Variants in TMEM131 observed in about 807,000 individuals in gnomAD.
TMEM131 encodes transmembrane protein 131, also known as 2610524E03Rik.
Under a neutral mutation model 211.6 loss-of-function variants are expected in TMEM131, and 66 were observed. That is an observed-to-expected ratio of 0.31 (90% CI 0.26 to 0.38). The LOEUF (loss-of-function observed/expected upper bound fraction) is 0.38. Ranked by LOEUF, TMEM131 falls within the 10% of genes least tolerant of loss-of-function variation. The pLI, the probability that TMEM131 is intolerant of heterozygous loss-of-function variation, is 1.00. For missense variants in TMEM131, 2,036 were observed against 2,299.3 expected (o/e 0.89, Z 2.34); for synonymous variants, 844 against 841.3 (o/e 1.00, Z -0.06).
intron 1 of TMEM131, among the ~76,000 whole-genome samples, chr2:97,952,921 CTG>C (rs1678390577): frequency 6.6e-6 from 1 of 152,060 alleles, no homozygotes; most frequent in Admixed American, 6.6e-5. Context: ...CAACAGAAAA[CTG>C]TTAATTATGA....
rs555912308 is a variant in TMEM131, at chr2:97,842,419, T to C, written c.601-482A>G. ...TATGAGGTGCTAGGCACATATACAA[T>C]AGTGAACAATTCAACAGTAAAAAAA... On this transcript the variant is annotated intron_variant, in intron 6 of 40. Coordinates refer to ENST00000186436, the MANE Select transcript of TMEM131 (RefSeq NM_015348.2). Among the ~76,000 whole-genome samples the C allele has an allele frequency of 7.2e-5, 11 of 152,266 alleles. 1 individual carries two copies. Among genetic ancestry groups the C allele is most frequent in the Admixed American group, 6.5e-4 (10 of 15,300 alleles).
At chr2:97,809,626 A>G (rs553438275) in intron 19 of TMEM131, 62 bp downstream of exon 19, 7 of 1,130,440 alleles carry the variant, frequency 6.2e-6, no homozygotes, top group Non-Finnish European at 9.2e-6. Flanking sequence ...TTCTAGGAAC[A>G]CAGAGCTAAA....
rs755001274 is a variant in TMEM131 at position 97,908,706 on chromosome 2, A to G, written c.250-8T>C. On this transcript the variant is annotated splice_polypyrimidine_tract_variant and splice_region_variant and intron_variant, in intron 2 of 40. Transcript: ENST00000186436. ...TCCAAGTGTTGTCTCGGTCTGTAAA[A>G]GGAATAAAATAATGATTAAAAAACT... The G allele has an allele frequency of 6.2e-7, 1 of 1,604,084 alleles. No individual in the cohort carries two copies. The highest frequency in any genetic ancestry group is 8.5e-7 in the Non-Finnish European group (1 of 1,172,878).
intron 32 of TMEM131, among the ~76,000 whole-genome samples, chr2:97,773,198 G>A (rs748273365): frequency 6.6e-6 from 1 of 152,232 alleles, no homozygotes; most frequent in Non-Finnish European, 1.5e-5. Flanking sequence ...GATTGCGGCA[G>A]GGTTCCGGCT....
intron 4 of TMEM131, among the ~76,000 whole-genome samples, chr2:97,877,612 T>A (rs1432017889): frequency 6.6e-6 from 1 of 152,224 alleles, no homozygotes; most frequent in Non-Finnish European, 1.5e-5. Context: ...CAGAAAAGAT[T>A]CCCTATTTAA....
chr2:97,831,001 A>C (rs531160111), intron 11 of TMEM131, among the ~76,000 whole-genome samples: 10 of 152,344 alleles, frequency 6.6e-5, no homozygotes, highest in Admixed American at 5.2e-4. Context: ...ATTATGCAGA[A>C]AATGCTGAAA....
At chr2:97,938,886 G>A (rs1354843008) in intron 1 of TMEM131, among the ~76,000 whole-genome samples, 6 of 152,026 alleles carry the variant, frequency 3.9e-5, no homozygotes, top group African/African-American at 9.7e-5. Flanking sequence ...ACTCAAAACC[G>A]CTCAACTACA....
Position 97,805,713 on chromosome 2 carries a change from G to A in TMEM131, c.2056-10C>T. On this transcript the variant is annotated splice_polypyrimidine_tract_variant and intron_variant, in intron 19 of 40. Coordinates refer to ENST00000186436, the MANE Select transcript of TMEM131 (RefSeq NM_015348.2). ...GATGAACTATTTTCCCCTGAAGGAA[G>A]AAAGCAAAGAACAAACTCATTTGTA... 1 of 1,578,116 alleles carries A rather than the reference G, an allele frequency of 6.3e-7. No individual in the cohort carries two copies. The highest frequency in any genetic ancestry group is 1.2e-5 in the South Asian group (1 of 85,492).
At chr2:97,960,095 T>C (rs1269871449) in intron 1 of TMEM131, among the ~76,000 whole-genome samples, 1 of 152,226 alleles carries the variant, frequency 6.6e-6, no homozygotes, top group East Asian at 1.9e-4. Flanking sequence ...GATCACTTGC[T>C]TAATGTAGTA....
chr2:97,893,831 TG>T (rs1009873339), intron 3 of TMEM131, among the ~76,000 whole-genome samples: 1 of 152,194 alleles, frequency 6.6e-6, no homozygotes, highest in African/African-American at 2.4e-5. Flanking sequence ...GTAGGCTGCC[TG>T]TTCACTCTGA....
intron 39 of TMEM131, 192 bp downstream of exon 39, chr2:97,759,460 T>C (rs930835802): frequency 2.6e-5 from 15 of 585,000 alleles, no homozygotes; most frequent in Admixed American, 9.0e-5. Context: ...GTGTCGAGCC[T>C]GGTCCACTGC....
At chr2:97,827,068 C>CAAAAA (rs66841026) in intron 11 of TMEM131, among the ~76,000 whole-genome samples, 7 of 93,668 alleles carry the variant, frequency 7.5e-5, no homozygotes, top group African/African-American at 1.2e-4. Flanking sequence ...AAGTGATAAG[C>CAAAAA]AAAAAAAAAA....
At chr2:97,795,590 T>C (rs1186972752) in intron 28 of TMEM131, among the ~76,000 whole-genome samples, 1 of 152,218 alleles carries the variant, frequency 6.6e-6, no homozygotes, top group African/African-American at 2.4e-5. Context: ...AGGTGTCTTA[T>C]TCCTCATTGC....
intron 29 of TMEM131, among the ~76,000 whole-genome samples, chr2:97,793,912 T>G (rs1250947180): frequency 8.3e-5 from 11 of 132,084 alleles, no homozygotes; most frequent in African/African-American, 2.9e-4. Flanking sequence ...GAGAATGGCA[T>G]GAACCCGGGA....
intron 5 of TMEM131, among the ~76,000 whole-genome samples, chr2:97,858,846 C>G (rs1673950715): frequency 6.6e-6 from 1 of 152,316 alleles, no homozygotes; most frequent in Non-Finnish European, 1.5e-5. Context: ...GTGATTTCCC[C>G]TCAGAGCCTC....
In TMEM131 at chr2:97,834,605, T is replaced by G; in HGVS notation, c.1012+16A>C. On this transcript the variant is annotated intron_variant, in intron 10 of 40. Coordinates refer to ENST00000186436, the MANE Select transcript of TMEM131 (RefSeq NM_015348.2). ...AAAAAAAACTCCATAAAGACTCTTT[T>G]AAAAGATTTTTTTACCTTGTGTTCT... 6.6e-7 allele frequency: 1 copy of G among 1,516,804 alleles called. No homozygotes were observed. The highest frequency in any genetic ancestry group is 8.8e-7 in the Non-Finnish European group (1 of 1,137,118). 94.0% of individuals were successfully genotyped at this position (1,516,804 alleles called of 1,614,324 possible).
At chr2:97,892,993 A>T (rs1206446372) in intron 3 of TMEM131, among the ~76,000 whole-genome samples, 1 of 152,044 alleles carries the variant, frequency 6.6e-6, no homozygotes, top group African/African-American at 2.4e-5. Context: ...GGTTTGCTGC[A>T]CCCATCAACC....
In TMEM131 at chr2:97,829,910, A is replaced by G. The variant is rs534191324; in HGVS notation, c.1074+3455T>C. ...GTACAACACCAAGCCAGAAATAGCA[A>G]AGCAAGGATGTTTGTTAAAATATAG... On this transcript the variant is annotated intron_variant, in intron 11 of 40. Coordinates refer to ENST00000186436, the MANE Select transcript of TMEM131 (RefSeq NM_015348.2). 6.0e-4 allele frequency among the ~76,000 whole-genome samples: 92 copies of G among 152,326 alleles called. 2 individuals carry two copies. The South Asian group carries it at 0.017, about 28-fold the overall frequency.
chr2:97,977,048 C>T (rs1202458390), intron 1 of TMEM131, among the ~76,000 whole-genome samples: 2 of 150,116 alleles, frequency 1.3e-5, no homozygotes, highest in African/African-American at 4.9e-5. Flanking sequence ...AAATGAAAGA[C>T]CTACCACTAT....
Sources: allele counts gnomAD v4.1 joint callset (sites outside exome capture counted in the v4.1 genomes callset), GRCh38; gene constraint gnomAD v4.1.1; transcripts MANE v1.5; gene names NCBI Gene and HGNC (gene_info 2026-07-23, HGNC 2026-07-21).